NELL2: variants seen among roughly 807,000 people sequenced by gnomAD.
NELL2 encodes protein kinase C-binding protein NELL2.
In NELL2, 41 loss-of-function variants were observed where a neutral mutation model predicts 109.6. That is an observed-to-expected ratio of 0.37 (90% CI 0.29 to 0.49). NELL2 has a LOEUF of 0.49. Among genes scored for constraint, NELL2 ranks in the 20% least tolerant of loss-of-function variants. The pLI is 0.98. For missense variants in NELL2, 900 were observed against 1,008.3 expected (o/e 0.89, Z 1.45); for synonymous variants, 355 against 344.7 (o/e 1.03, Z -0.33).
In NELL2 at chr12:44,709,575, T is replaced by C. The variant is rs535330979; in HGVS notation, c.1189+1717A>G. Among the ~76,000 whole-genome samples the C allele has an allele frequency of 3.9e-5, 6 of 152,306 alleles. No individual in the cohort carries two copies. The South Asian group carries it at 1.2e-3, about 32-fold the overall frequency. ...TTCCTGACCCACAATACTATTGCTT[T>C]AATCCACTGAGATTTGGAGCAGCAA... On this transcript the variant is annotated intron_variant, in intron 11 of 19. Transcript: ENST00000429094.
intron 13 of NELL2, among the ~76,000 whole-genome samples, chr12:44,636,458 T>G (rs917781616): frequency 2.0e-5 from 3 of 152,204 alleles, no homozygotes; most frequent in Middle Eastern, 3.2e-3. Context: ...ATATGTTTCA[T>G]CAATACGTGG....
At chr12:44,568,095 C>T (rs574300620) in intron 15 of NELL2, among the ~76,000 whole-genome samples, 1 of 151,508 alleles carries the variant, frequency 6.6e-6, no homozygotes, top group Non-Finnish European at 1.5e-5. Flanking sequence ...GATTAGCAAG[C>T]CTAAAATCAT....
intron 9 of NELL2, among the ~76,000 whole-genome samples, chr12:44,722,853 T>G (rs1442508849): frequency 6.6e-6 from 1 of 152,114 alleles, no homozygotes; most frequent in Admixed American, 6.6e-5. Context: ...CTGATGGATC[T>G]CAACAATAGA....
chr12:44,514,233 T>A (rs1464151273), intron 19 of NELL2, among the ~76,000 whole-genome samples: 1 of 151,910 alleles, frequency 6.6e-6, no homozygotes, highest in Non-Finnish European at 1.5e-5. Flanking sequence ...AAGAACTTGT[T>A]ACTAGCACAC....
intron 2 of NELL2, among the ~76,000 whole-genome samples, chr12:44,854,366 T>C (rs1316697877): frequency 6.6e-6 from 1 of 152,182 alleles, no homozygotes; most frequent in South Asian, 2.1e-4. Flanking sequence ...TATCTCTCAG[T>C]AGCAAAGAAA....
At chr12:44,782,558 T>C (rs1942003449) in intron 3 of NELL2, among the ~76,000 whole-genome samples, 1 of 151,710 alleles carries the variant, frequency 6.6e-6, no homozygotes, top group Admixed American at 6.6e-5. Context: ...GAAAATAATA[T>C]ATATTGAAAC....
intron 15 of NELL2, among the ~76,000 whole-genome samples, chr12:44,577,581 C>T (rs1944151494): frequency 6.7e-6 from 1 of 150,150 alleles, no homozygotes; most frequent in Non-Finnish European, 1.5e-5. Context: ...GGGTTCACAC[C>T]ATTCTCCTGC....
chr12:44,683,454 A>G (rs2136376851), intron 12 of NELL2, among the ~76,000 whole-genome samples: 1 of 151,600 alleles, frequency 6.6e-6, no homozygotes, highest in East Asian at 1.9e-4. Context: ...CTCCAACACT[A>G]TGTTGAATAG....
chr12:44,684,939 T>C lies in NELL2; in HGVS notation c.1318+18787A>G, dbSNP rs1948662921. Among the ~76,000 whole-genome samples, 4 of 152,296 alleles carry C rather than the reference T, an allele frequency of 2.6e-5. No homozygotes were observed. In the South Asian group the frequency reaches 8.3e-4, roughly 32 times the overall value. Reference sequence around the variant, plus strand: ...TCTGTAGATGTCTACCAGGTCTGCTTGGTGCAGAGCTGAGTTCAATTCCTG... The same window carrying C: ...TCTGTAGATGTCTACCAGGTCTGCTCGGTGCAGAGCTGAGTTCAATTCCTG... On this transcript the variant is annotated intron_variant, in intron 12 of 19. Coordinates refer to ENST00000429094, the MANE Select transcript of NELL2 (RefSeq NM_001145108.2).
At chr12:44,781,008 A>G in intron 3 of NELL2, among the ~76,000 whole-genome samples, 1 of 152,124 alleles carries the variant, frequency 6.6e-6, no homozygotes, top group South Asian at 2.1e-4. Flanking sequence ...AAAATCATTC[A>G]TTATACCAAG....
At chr12:44,725,783 A>G (rs531456505) in intron 9 of NELL2, among the ~76,000 whole-genome samples, 1 of 152,302 alleles carries the variant, frequency 6.6e-6, no homozygotes, top group South Asian at 2.1e-4. Flanking sequence ...TTCACTTATA[A>G]GTGGGAACTA....
chr12:44,565,030 T>C lies in NELL2; in HGVS notation c.1664-32309A>G, dbSNP rs151037488. 6.1e-3 allele frequency among the ~76,000 whole-genome samples: 931 copies of C among 152,268 alleles called. 8 individuals are homozygous for C. The highest frequency in any genetic ancestry group is 0.021 in the African/African-American group (875 of 41,552). ...TTACAAAAATGGATATTTTTAATCTTTTTCCTAGACCTATGAAATCAGAAT... is the reference window on the plus strand; with the variant it reads ...TTACAAAAATGGATATTTTTAATCTCTTTCCTAGACCTATGAAATCAGAAT... On this transcript the variant is annotated intron_variant, in intron 15 of 19. Transcript: ENST00000429094.
At chr12:44,684,692 G>T (rs1948651911) in intron 12 of NELL2, among the ~76,000 whole-genome samples, 1 of 152,220 alleles carries the variant, frequency 6.6e-6, no homozygotes, top group East Asian at 1.9e-4. Flanking sequence ...AGTCATTCCG[G>T]AGCAGGTTGT....
chr12:44,725,123 TG>T (rs1313371237), intron 9 of NELL2, among the ~76,000 whole-genome samples: 66 of 152,246 alleles, frequency 4.3e-4, no homozygotes, highest in African/African-American at 1.5e-3. Flanking sequence ...CAACTCAGGA[TG>T]AATTAAAGAC....
At chr12:44,860,230 C>A (rs1944798117) in intron 2 of NELL2, among the ~76,000 whole-genome samples, 1 of 152,318 alleles carries the variant, frequency 6.6e-6, no homozygotes, top group Admixed American at 6.5e-5. Context: ...GACATGGTAA[C>A]TGTCAATACC....
chr12:44,884,080 C>A lies in NELL2; in HGVS notation c.39-8180G>T, dbSNP rs375724720. ...CCACTATATGTTATTAAAAAGAAAT[C>A]TACTTCAAATATAATGAGGTAAGTT... On this transcript the variant is annotated intron_variant, in intron 1 of 20. Coordinates refer to the NELL2 transcript ENST00000333837. 4.7e-4 allele frequency among the ~76,000 whole-genome samples: 71 copies of A among 151,514 alleles called. No individual in the cohort carries two copies. The East Asian group carries it at 0.012, about 26-fold the overall frequency.
intron 15 of NELL2, among the ~76,000 whole-genome samples, chr12:44,601,098 C>A (rs1945202411): frequency 6.6e-6 from 1 of 152,000 alleles, no homozygotes; most frequent in Admixed American, 6.5e-5. Context: ...CCAACTAATT[C>A]CACTTGGCTT....
At chr12:44,638,948 TA>T (rs1946745311) in intron 13 of NELL2, among the ~76,000 whole-genome samples, 1 of 152,202 alleles carries the variant, frequency 6.6e-6, no homozygotes, top group African/African-American at 2.4e-5. Flanking sequence ...AGATTAATTT[TA>T]ATAGTATATT....
chr12:44,714,859 A>T (rs1207133190), intron 9 of NELL2, 118 bp from the exon 10 acceptor site: 2 of 505,480 alleles, frequency 4.0e-6, no homozygotes, highest in Non-Finnish European at 6.8e-6. Context: ...ATGTATGACT[A>T]ACCAGAAACC....
Sources: gnomAD v4.1 joint callset for allele counts (sites outside exome capture counted in the v4.1 genomes callset) on GRCh38, gnomAD v4.1.1 for gene constraint, MANE v1.5 for transcripts, NCBI Gene and HGNC (gene_info 2026-07-23, HGNC 2026-07-21) for gene names.